Variants in DISC1 observed in about 807,000 individuals in gnomAD.
DISC1 encodes the protein DISC1 scaffold protein.
DISC1 carries 57 observed loss-of-function variants against 84.5 expected under a neutral mutation model. That is an observed-to-expected ratio of 0.67 (90% CI 0.55 to 0.84). DISC1 has a LOEUF of 0.84. DISC1 is among the 40% of genes least tolerant of loss of function. The pLI, the probability that DISC1 is intolerant of heterozygous loss-of-function variation, is 0.00. For missense variants in DISC1, 1,000 were observed against 1,057.8 expected, an observed-to-expected ratio of 0.95 and a Z score of 0.76; for synonymous variants, 411 against 415.2, an observed-to-expected ratio of 0.99 and a Z score of 0.12.
At chr1:231,830,532 A>ATC (rs752931921) in intron 9 of DISC1, among the ~76,000 whole-genome samples, 36 of 152,340 alleles carry the variant, frequency 2.4e-4, no homozygotes, top group Non-Finnish European at 4.0e-4. Context: ...ACCAGGAGAT[A>ATC]TCAGCTGTGA....
intron 9 of DISC1, among the ~76,000 whole-genome samples, chr1:231,873,483 G>C (rs1386189314): frequency 6.6e-6 from 1 of 152,118 alleles, no homozygotes; most frequent in Admixed American, 6.5e-5. Flanking sequence ...TCTTCTACAA[G>C]GGACCAATTA....
chr1:231,759,071 C>G (rs987939304), intron 4 of DISC1, among the ~76,000 whole-genome samples: 7 of 152,170 alleles, frequency 4.6e-5, no homozygotes, highest in Non-Finnish European at 7.3e-5. Context: ...CCCAGTTTGC[C>G]TGTCCACATA....
chr1:231,808,889 T>C (rs760208641), intron 8 of DISC1, among the ~76,000 whole-genome samples: 8 of 152,096 alleles, frequency 5.3e-5, no homozygotes, highest in Non-Finnish European at 8.8e-5. Flanking sequence ...AGGAAACAAA[T>C]TCAAAAAGTG....
intron 3 of DISC1, chr1:231,702,242 C>T: frequency 1.6e-6 from 2 of 1,260,046 alleles, no homozygotes; most frequent in South Asian, 2.1e-5. Flanking sequence ...ATAACCTTAT[C>T]AATTGTCCAG....
At chr1:231,797,172 G>A (rs578049991) in intron 7 of DISC1, among the ~76,000 whole-genome samples, 15 of 152,318 alleles carry the variant, frequency 9.8e-5, no homozygotes, top group African/African-American at 3.6e-4. Context: ...GGATACAGGT[G>A]TGCCTATTAT....
intron 11 of DISC1, among the ~76,000 whole-genome samples, chr1:232,020,653 A>G (rs1212609882): frequency 6.6e-6 from 1 of 152,204 alleles, no homozygotes; most frequent in East Asian, 1.9e-4. Context: ...ACAACTCACT[A>G]TTTTGGCTTA....
chr1:231,714,241 GTAAA>G (rs2068359759), intron 3 of DISC1, among the ~76,000 whole-genome samples: 1 of 152,102 alleles, frequency 6.6e-6, no homozygotes, highest in Non-Finnish European at 1.5e-5. Flanking sequence ...CTTGAAACAT[GTAAA>G]TAGAGTTTAC....
At chr1:231,789,284 A>G (rs539932589) in intron 6 of DISC1, among the ~76,000 whole-genome samples, 3 of 152,168 alleles carry the variant, frequency 2.0e-5, no homozygotes, top group Non-Finnish European at 4.4e-5. Context: ...CAGCCACAGC[A>G]GATTTGAGGA....
intron 8 of DISC1, among the ~76,000 whole-genome samples, chr1:231,811,856 A>G (rs551346413): frequency 6.6e-6 from 1 of 152,348 alleles, no homozygotes; most frequent in South Asian, 2.1e-4. Context: ...GACCTTCACA[A>G]GGTTACCTCT....
intron 11 of DISC1, among the ~76,000 whole-genome samples, chr1:232,024,124 G>C (rs753906725): frequency 6.6e-6 from 1 of 151,232 alleles, no homozygotes; most frequent in African/African-American, 2.4e-5. Context: ...CCACTGTTAT[G>C]GTCAATTTTG....
At chr1:231,728,131 G>A (rs990134372) in intron 3 of DISC1, among the ~76,000 whole-genome samples, 2 of 151,970 alleles carry the variant, frequency 1.3e-5, no homozygotes, top group African/African-American at 4.8e-5. Flanking sequence ...GAGGAATCAC[G>A]CTGCATCCCT....
chr1:231,936,241 C>T (rs895433729), intron 9 of DISC1, among the ~76,000 whole-genome samples: 2 of 152,268 alleles, frequency 1.3e-5, no homozygotes, highest in East Asian at 1.9e-4. Context: ...GCCCAGCCAC[C>T]TTCCACTCCA....
chr1:231,804,597 A>T (rs549694205), intron 8 of DISC1, among the ~76,000 whole-genome samples: 54 of 152,132 alleles, frequency 3.5e-4, no homozygotes, highest in Admixed American at 1.2e-3. Context: ...ACGGGATTAT[A>T]GGCATGAGCT....
At chr1:231,862,035 G>T (rs1338300435) in intron 9 of DISC1, among the ~76,000 whole-genome samples, 1 of 152,184 alleles carries the variant, frequency 6.6e-6, no homozygotes, top group Non-Finnish European at 1.5e-5. Context: ...GGTTTAACAA[G>T]TGGCTCACAA....
At position 231,870,860 on chromosome 1, in the gene DISC1, A is replaced by C. The variant is rs79794753; in HGVS notation, c.1981+52343A>C. On this transcript the variant is annotated intron_variant, in intron 9 of 12. Transcript: ENST00000439617. Reference sequence around the variant, plus strand: ...AATGACTTAATTTAAAAAGTAATTTAGATTATATTTTAAAGAATAAATATT... The same window carrying C: ...AATGACTTAATTTAAAAAGTAATTTCGATTATATTTTAAAGAATAAATATT... 7.0e-3 allele frequency among the ~76,000 whole-genome samples: 1,071 copies of C among 152,392 alleles called. 6 individuals carry two copies. Among genetic ancestry groups the C allele is most frequent in the Non-Finnish European group, 0.011 (776 of 68,040 alleles).
At chr1:231,832,123 G>A (rs1292463677) in intron 9 of DISC1, among the ~76,000 whole-genome samples, 1 of 150,602 alleles carries the variant, frequency 6.6e-6, no homozygotes, top group African/African-American at 2.5e-5. Flanking sequence ...GTAATTGTGG[G>A]ACACTCAACA....
chr1:231,742,149 G>C (rs1164410438), intron 3 of DISC1, among the ~76,000 whole-genome samples: 3 of 152,106 alleles, frequency 2.0e-5, no homozygotes, highest in African/African-American at 7.2e-5. Context: ...CTTTCCCCTT[G>C]GTTCACCCTA....
chr1:231,906,581 A>G (rs1347407763), intron 9 of DISC1, among the ~76,000 whole-genome samples: 1 of 152,234 alleles, frequency 6.6e-6, no homozygotes, highest in African/African-American at 2.4e-5. Flanking sequence ...TAAACTAAAA[A>G]GAAAAGTCAG....
intron 9 of DISC1, among the ~76,000 whole-genome samples, chr1:231,854,230 C>G (rs2084101705): frequency 6.6e-6 from 1 of 152,138 alleles, no homozygotes; most frequent in African/African-American, 2.4e-5. Context: ...TAATTTTTTT[C>G]TCTCTGAGCC....
Sources: allele counts gnomAD v4.1 joint callset (sites outside exome capture counted in the v4.1 genomes callset), GRCh38; gene constraint gnomAD v4.1.1; transcripts MANE v1.5; gene names NCBI Gene and HGNC (gene_info 2026-07-23, HGNC 2026-07-21).